Variants in IQGAP2 observed in about 807,000 individuals in gnomAD.
IQGAP2 encodes ras GTPase-activating-like protein IQGAP2.
Under a neutral mutation model 201.3 loss-of-function variants are expected in IQGAP2, and 173 were observed. That is an observed-to-expected ratio of 0.86 (90% CI 0.76 to 0.98). IQGAP2 has a LOEUF of 0.98. Among genes scored for constraint, IQGAP2 ranks in the 50% least tolerant of loss-of-function variants. The pLI is 0.00. For synonymous variants in IQGAP2, 675 were observed against 673.9 expected (o/e 1.00, Z -0.03); for missense variants, 1,687 against 1,864.8 (o/e 0.90, Z 1.76).
At chr5:76,567,151 C>A (rs1427761327) in intron 3 of IQGAP2, among the ~76,000 whole-genome samples, 1 of 152,214 alleles carries the variant, frequency 6.6e-6, no homozygotes, top group East Asian at 1.9e-4. Context: ...CAAAATACTT[C>A]AGCGTCTAGC....
intron 2 of IQGAP2, among the ~76,000 whole-genome samples, chr5:76,549,076 A>G (rs572279637): frequency 2.6e-5 from 4 of 152,316 alleles, no homozygotes; most frequent in African/African-American, 9.6e-5. Flanking sequence ...ACAGTGAATC[A>G]TATTGGCGGG....
At chr5:76,646,933 T>G (rs1289178377) in intron 17 of IQGAP2, among the ~76,000 whole-genome samples, 1 of 152,192 alleles carries the variant, frequency 6.6e-6, no homozygotes, top group Non-Finnish European at 1.5e-5. Context: ...AATTTTATAT[T>G]CATTTTATAA....
intron 5 of IQGAP2, among the ~76,000 whole-genome samples, chr5:76,587,395 A>G (rs1746324064): frequency 6.6e-6 from 1 of 152,184 alleles, no homozygotes; most frequent in South Asian, 2.1e-4. Context: ...AGGTTTATTA[A>G]GCATTATTTG....
chr5:76,636,105 C>G (rs1034976756), intron 15 of IQGAP2, among the ~76,000 whole-genome samples: 4 of 152,156 alleles, frequency 2.6e-5, no homozygotes, highest in African/African-American at 9.7e-5. Context: ...TAAAGTTACC[C>G]CTGCTTAGTT....
chr5:76,532,034 AT>A (rs1273605661), intron 2 of IQGAP2, among the ~76,000 whole-genome samples: 8 of 152,226 alleles, frequency 5.3e-5, no homozygotes, highest in African/African-American at 1.9e-4. Flanking sequence ...TCATGGCCTA[AT>A]GGCCTCCCAC....
chr5:76,683,984 G>C (rs926164233), intron 30 of IQGAP2, 67 bp downstream of exon 30: 2 of 1,383,604 alleles, frequency 1.4e-6, no homozygotes, highest in African/African-American at 2.9e-5. Flanking sequence ...ATTCAAATGA[G>C]GCTAAATCCC....
At chr5:76,593,075 T>C in intron 9 of IQGAP2, 150 bp downstream of exon 9, 2 of 640,522 alleles carry the variant, frequency 3.1e-6, no homozygotes, top group Non-Finnish European at 5.6e-6. Flanking sequence ...CTCTTAATTA[T>C]GGTGCAGCAT....
intron 14 of IQGAP2, among the ~76,000 whole-genome samples, chr5:76,627,776 T>C (rs1275499657): frequency 6.6e-6 from 1 of 152,228 alleles, no homozygotes; most frequent in Non-Finnish European, 1.5e-5. Context: ...TTTTTTCTCT[T>C]GATTTTTAGA....
chr5:76,522,200 A>G (rs1353361475), intron 2 of IQGAP2, among the ~76,000 whole-genome samples: 1 of 134,212 alleles, frequency 7.5e-6, no homozygotes, highest in Non-Finnish European at 1.6e-5. Flanking sequence ...TTTTTTTTCT[A>G]AAGGCGGAGT....
intron 5 of IQGAP2, among the ~76,000 whole-genome samples, chr5:76,577,224 T>TATGATATCA (rs3839247): frequency 0.49 from 73,771 of 151,856 alleles, 18,447 homozygotes; most frequent in South Asian, 0.63. Context: ...TATGCTAAGT[T>TATGATATCA]CCTTTCTGGT....
chr5:76,703,507 G>T (rs10063689), intron 35 of IQGAP2, among the ~76,000 whole-genome samples: 240 of 151,982 alleles, frequency 1.6e-3, no homozygotes, highest in Non-Finnish European at 3.0e-3. Context: ...AAATGCTTGG[G>T]ATCACAGGAA....
chr5:76,562,026 C>G (rs1368842461), intron 2 of IQGAP2, among the ~76,000 whole-genome samples: 1 of 152,168 alleles, frequency 6.6e-6, no homozygotes, highest in East Asian at 1.9e-4. Context: ...TTGCCTCTGC[C>G]AAGGGCTCCT....
chr5:76,409,232 A>C (rs1287541454), intron 1 of IQGAP2, among the ~76,000 whole-genome samples: 1 of 148,614 alleles, frequency 6.7e-6, no homozygotes, highest in Non-Finnish European at 1.5e-5. Flanking sequence ...ACAGCATAGA[A>C]TACATGGGCT....
chr5:76,561,047 T>C (rs765898504), intron 2 of IQGAP2, among the ~76,000 whole-genome samples: 1 of 152,202 alleles, frequency 6.6e-6, no homozygotes, highest in Non-Finnish European at 1.5e-5. Context: ...AAATATCTTA[T>C]TGTACTGCAC....
chr5:76,660,048 C>T (rs995001761), intron 21 of IQGAP2: 2 of 152,134 alleles, frequency 1.3e-5, no homozygotes, highest in South Asian at 2.1e-4. Flanking sequence ...ACTGATAGGT[C>T]AAAGAGGGAA....
chr5:76,572,196 G>A (rs893305448), intron 4 of IQGAP2, among the ~76,000 whole-genome samples: 1 of 151,558 alleles, frequency 6.6e-6, no homozygotes, highest in African/African-American at 2.4e-5. Flanking sequence ...CCTATGTGTT[G>A]CTTAGTATGT....
Position 76,673,964 on chromosome 5 carries a change from G to T in IQGAP2, c.3222G>T (p.Arg1074Ser). 3 of 1,584,546 alleles carry T rather than the reference G, an allele frequency of 1.9e-6. 1 individual carries two copies. The South Asian group carries it at 3.3e-5, about 18-fold the overall frequency. The part of the protein sequence containing the change: ...SSLDLLPYGL[R>S]YIAKVLKNSI... Reference sequence around the variant, plus strand: ...GTTTTATATGTAGTTATGGATTGAGGTATATAGCCAAAGTACTGAAGAATT... The same window carrying T: ...GTTTTATATGTAGTTATGGATTGAGTTATATAGCCAAAGTACTGAAGAATT... Residue 1074 changes from arginine (R) to serine (S), a missense_variant, in exon 26 of 36, where the codon AGG becomes AGT. Transcript: ENST00000274364.
rs570676837 is a variant in IQGAP2, at chr5:76,434,880, T to C, written c.47-26690T>C. Among the ~76,000 whole-genome samples the C allele has an allele frequency of 6.2e-4, 94 of 151,188 alleles. No homozygotes were observed. In the East Asian group the frequency reaches 9.0e-3, roughly 14 times the overall value. Reference sequence around the variant, plus strand: ...GTAACAACATCTATTGTTTTTTGATTTTTATTAGTAGCCATTTTGGCTGGA... The same window carrying C: ...GTAACAACATCTATTGTTTTTTGATCTTTATTAGTAGCCATTTTGGCTGGA... On this transcript the variant is annotated intron_variant, in intron 1 of 35. Coordinates refer to ENST00000274364, the MANE Select transcript of IQGAP2 (RefSeq NM_006633.5).
chr5:76,478,320 G>C (rs1755570327), intron 2 of IQGAP2, among the ~76,000 whole-genome samples: 1 of 152,126 alleles, frequency 6.6e-6, no homozygotes, highest in African/African-American at 2.4e-5. Flanking sequence ...AGAATCACTT[G>C]AACCCAGGAG....
Sources: gnomAD v4.1 joint callset for allele counts (sites outside exome capture counted in the v4.1 genomes callset) on GRCh38, gnomAD v4.1.1 for gene constraint, MANE v1.5 for transcripts, NCBI Gene and HGNC (gene_info 2026-07-23, HGNC 2026-07-21) for gene names.